Variants in LRR1 observed in about 807,000 individuals in gnomAD.
LRR1 encodes leucine-rich repeat protein 1.
LRR1 carries 29 observed loss-of-function variants against 31.6 expected under a neutral mutation model. That is an observed-to-expected ratio of 0.92 (90% CI 0.68 to 1.25). The LOEUF is 1.25. Ranked by LOEUF, LRR1 falls within the 50% of genes most tolerant of loss-of-function variation. LRR1 has a pLI of 0.00. For missense variants in LRR1, 485 were observed against 487.2 expected (o/e 1.00, Z 0.04); for synonymous variants, 179 against 181.4 (o/e 0.99, Z 0.10).
intron 3 of LRR1, among the ~76,000 whole-genome samples, chr14:49,612,137 G>GCA (rs1882536775): frequency 6.6e-6 from 1 of 152,174 alleles, no homozygotes; most frequent in Non-Finnish European, 1.5e-5. Context: ...AATTGGCAAG[G>GCA]CACAATTTGG....
chr14:49,612,013 G>T (rs2139553892), intron 3 of LRR1, among the ~76,000 whole-genome samples: 2 of 152,002 alleles, frequency 1.3e-5, no homozygotes, highest in East Asian at 3.9e-4. Flanking sequence ...TTATAGTTTT[G>T]ATTTGAAAAG....
At chr14:49,612,345 GT>G (rs770918213) in intron 3 of LRR1, 29 of 497,376 alleles carry the variant, frequency 5.8e-5, no homozygotes, top group Admixed American at 2.2e-4. Flanking sequence ...TTATCTAGCT[GT>G]TGATAAATGG....
At chr14:49,601,398 G>A in intron 1 of LRR1, 3 of 496,706 alleles carry the variant, frequency 6.0e-6, no homozygotes, top group Non-Finnish European at 1.1e-5. Context: ...GGTACATAGT[G>A]GGTTCTGAAT....
At chr14:49,609,823 C>T (rs746368746) in intron 3 of LRR1, among the ~76,000 whole-genome samples, 1 of 152,188 alleles carries the variant, frequency 6.6e-6, no homozygotes, top group Non-Finnish European at 1.5e-5. Flanking sequence ...TCTCCTGCCT[C>T]AGCCTTCCGA....
At chr14:49,599,359 CCCAGGGTCCTGTGCGTCTTCCTACG>C (rs1881946276) in intron 1 of LRR1, among the ~76,000 whole-genome samples, 156 bp downstream of exon 1, 1 of 152,222 alleles carries the variant, frequency 6.6e-6, no homozygotes, top group Admixed American at 6.5e-5. Flanking sequence ...TCAGCCCGAC[CCCAGGGTCCTGTGCGTCTTCCTACG>C]GACCCGAAAG....
intron 3 of LRR1, among the ~76,000 whole-genome samples, chr14:49,613,338 CA>C (rs71441233): frequency 2.9e-3 from 312 of 106,844 alleles, no homozygotes; most frequent in South Asian, 2.5e-3. Flanking sequence ...GACTCCATCT[CA>C]AAAAAAAAAA....
chr14:49,606,917 A>G (rs1281831180), intron 2 of LRR1, among the ~76,000 whole-genome samples: 1 of 152,206 alleles, frequency 6.6e-6, no homozygotes, highest in Non-Finnish European at 1.5e-5. Context: ...TCGGCCTCCC[A>G]AAGTGCTGGG....
intron 2 of LRR1, chr14:49,603,523 CTTTTTTTT>C (rs752524533): frequency 8.2e-4 from 81 of 99,054 alleles, no homozygotes; most frequent in South Asian, 3.9e-3. Flanking sequence ...TCTTCTTCTT[CTTTTTTTT>C]TTTTTTTTTT....
At chr14:49,610,353 A>G (rs990354218) in intron 3 of LRR1, among the ~76,000 whole-genome samples, 8 of 147,946 alleles carry the variant, frequency 5.4e-5, no homozygotes, top group Non-Finnish European at 1.2e-4. Context: ...TCCTGGGTTC[A>G]AGTGATTCTC....
In LRR1 at chr14:49,606,649, ATTT is replaced by A. The variant is rs58159657; in HGVS notation, c.283-735_283-733del. 4.4e-3 allele frequency among the ~76,000 whole-genome samples: 642 copies of A among 145,178 alleles called. 5 individuals are homozygous for A. Among genetic ancestry groups the A allele is most frequent in the South Asian group, 6.2e-3 (28 of 4,540 alleles). On this transcript the variant is annotated intron_variant, in intron 2 of 3. Transcript: ENST00000298288. The stretch of plus-strand genomic sequence containing the variant: ...TCACTACACCTGGCCTTAAACTCAA[ATTT>A]TTTTTTTTTTTTTTTAATTTTTCAG...
At chr14:49,608,854 C>T (rs1882396130) in intron 3 of LRR1, among the ~76,000 whole-genome samples, 1 of 146,934 alleles carries the variant, frequency 6.8e-6, no homozygotes, top group South Asian at 2.2e-4. Flanking sequence ...TGGAGTCAGA[C>T]TTGGATTTGA....
intron 3 of LRR1, among the ~76,000 whole-genome samples, chr14:49,608,325 T>G (rs1882365895): frequency 6.6e-6 from 1 of 151,686 alleles, no homozygotes; most frequent in Non-Finnish European, 1.5e-5. Flanking sequence ...TTCATTCAGT[T>G]TTCTGCCGAA....
intron 3 of LRR1, 106 bp from the exon 4 acceptor site, chr14:49,614,150 A>C: frequency 8.9e-7 from 1 of 1,126,462 alleles, no homozygotes; most frequent in South Asian, 1.6e-5. Flanking sequence ...AAATATACTA[A>C]TCGCTTAATA....
At chr14:49,603,797 G>T in intron 2 of LRR1, among the ~76,000 whole-genome samples, 1 of 142,590 alleles carries the variant, frequency 7.0e-6, no homozygotes, top group Middle Eastern at 4.0e-3. Flanking sequence ...GGGTTCAAGC[G>T]ATTCTCCTGC....
chr14:49,599,807 C>G (rs1318594950), intron 1 of LRR1, among the ~76,000 whole-genome samples: 9 of 146,516 alleles, frequency 6.1e-5, no homozygotes, highest in South Asian at 4.1e-4. Context: ...GCGGCGGCGG[C>G]AGCGCCGCGG....
At position 49,599,015 on chromosome 14, in the gene LRR1, G is replaced by A. The variant is rs1227723156; in HGVS notation, c.-6G>A. The A allele has an allele frequency of 1.9e-6, 3 of 1,604,078 alleles. No individual in the cohort carries two copies. The highest frequency in any genetic ancestry group is 1.1e-5 in the South Asian group (1 of 89,662). On this transcript the variant is annotated 5_prime_UTR_variant, in exon 1 of 4. Transcript: ENST00000298288. The stretch of plus-strand genomic sequence containing the variant: ...CAGCTTGACGTGGTTGTGGCCGTTG[G>A]GCGAGATGAAGCTACACTGTGAGGT...
chr14:49,609,452 T>A (rs1882430423), intron 3 of LRR1, among the ~76,000 whole-genome samples: 1 of 152,002 alleles, frequency 6.6e-6, no homozygotes, highest in South Asian at 2.1e-4. Flanking sequence ...TCACCCAGGC[T>A]GGAGTGCAGT....
At chr14:49,601,448 AT>A in intron 1 of LRR1, 1 of 537,672 alleles carries the variant, frequency 1.9e-6, no homozygotes, top group South Asian at 1.5e-5. Context: ...AACAGCAATC[AT>A]TAATTTTTTT....
chr14:49,602,388 CA>C lies in LRR1; in HGVS notation c.204del (p.Gln68HisfsTer7), dbSNP rs1882095364. On this transcript the variant is annotated frameshift_variant, in exon 2 of 4. Transcript: ENST00000298288. LOFTEE classifies it high-confidence loss of function. Reference sequence around the variant, plus strand: ...TATGCAGCTAAGGGAGAACATTGAGCAATTCTTCACCAAATTTGTAGATGAG... The same window carrying C: ...TATGCAGCTAAGGGAGAACATTGAGCATTCTTCACCAAATTTGTAGATGAG... Reference protein sequence around the residue: ...TRYELRENIEQFFTKFVDEGK... With the variant: ...TRYELRENIEXFFTKFVDEGK... 1 of 1,613,410 alleles carries C rather than the reference CA, an allele frequency of 6.2e-7. No homozygotes were observed. Among genetic ancestry groups the C allele is most frequent in the African/African-American group, 1.3e-5 (1 of 74,808 alleles).
Sources: gnomAD v4.1 joint callset for allele counts (sites outside exome capture counted in the v4.1 genomes callset) on GRCh38, gnomAD v4.1.1 for gene constraint, MANE v1.5 for transcripts, NCBI Gene and HGNC (gene_info 2026-07-23, HGNC 2026-07-21) for gene names.